PPFIA2: variants seen among roughly 807,000 people sequenced by gnomAD.
The protein encoded by PPFIA2 is PPFI scaffold protein A2, also known as liprin-alpha-2.
In PPFIA2, 46 loss-of-function variants were observed where a neutral mutation model predicts 175.5. The observed-to-expected ratio is 0.26, with a 90% CI of 0.21 to 0.34. The LOEUF (loss-of-function observed/expected upper bound fraction) is 0.34. Ranked by LOEUF, PPFIA2 falls within the 10% of genes least tolerant of loss-of-function variation. The pLI, the probability that PPFIA2 is intolerant of heterozygous loss-of-function variation, is 1.00. For missense variants in PPFIA2, 1,179 were observed against 1,506.1 expected (o/e 0.78, Z 3.60); for synonymous variants, 568 against 511.4 (o/e 1.11, Z -1.49).
chr12:81,278,881 A>G (rs911317686), intron 27 of PPFIA2, among the ~76,000 whole-genome samples: 14 of 152,220 alleles, frequency 9.2e-5, no homozygotes, highest in African/African-American at 3.4e-4. Context: ...GATTACACTT[A>G]CTTGCTAGAT....
intron 4 of PPFIA2, among the ~76,000 whole-genome samples, chr12:81,672,094 A>G (rs143710215): frequency 1.0e-3 from 155 of 152,088 alleles, no homozygotes; most frequent in Middle Eastern, 3.4e-3. Context: ...AGCCTAGCAC[A>G]TAGTGTACAC....
intron 5 of PPFIA2, among the ~76,000 whole-genome samples, chr12:81,451,711 T>A (rs1478806068): frequency 6.6e-6 from 1 of 152,116 alleles, no homozygotes; most frequent in Non-Finnish European, 1.5e-5. Context: ...CCAAGGAAAA[T>A]ATTCTACATA....
At chr12:81,308,993 T>A (rs1001832581) in intron 22 of PPFIA2, among the ~76,000 whole-genome samples, 2 of 152,144 alleles carry the variant, frequency 1.3e-5, no homozygotes, top group Non-Finnish European at 2.9e-5. Flanking sequence ...CATATGTGGC[T>A]TGATAAGAAT....
intron 8 of PPFIA2, among the ~76,000 whole-genome samples, chr12:81,392,503 T>C (rs1487071338): frequency 1.3e-5 from 2 of 151,872 alleles, no homozygotes. Context: ...TAGGGGGTCG[T>C]CAAAGATGAC....
At chr12:81,734,607 T>G (rs919631670) in intron 3 of PPFIA2, among the ~76,000 whole-genome samples, 11 of 151,826 alleles carry the variant, frequency 7.2e-5, no homozygotes, top group African/African-American at 2.7e-4. Context: ...TTTGAGCAAT[T>G]CTCCTTTTCA....
chr12:81,416,155 A>G (rs2045217513), intron 7 of PPFIA2, among the ~76,000 whole-genome samples: 1 of 151,650 alleles, frequency 6.6e-6, no homozygotes, highest in African/African-American at 2.4e-5. Context: ...ATAGTAAGAA[A>G]AATAGCCAAG....
intron 5 of PPFIA2, among the ~76,000 whole-genome samples, chr12:81,457,275 C>T (rs950444913): frequency 3.1e-4 from 47 of 150,584 alleles, no homozygotes; most frequent in Admixed American, 5.9e-4. Context: ...TGAGGCATCG[C>T]GTCCGGCCTT....
At chr12:81,307,714 A>C (rs7955207) in intron 22 of PPFIA2, among the ~76,000 whole-genome samples, 52,823 of 151,976 alleles carry the variant, frequency 0.35, 11,201 homozygotes, top group Non-Finnish European at 0.48. Flanking sequence ...TGTAAGACTC[A>C]CCTGTTTAAA....
At chr12:81,335,876 C>T (rs1313262624) in intron 21 of PPFIA2, among the ~76,000 whole-genome samples, 7 of 152,128 alleles carry the variant, frequency 4.6e-5, no homozygotes, top group Non-Finnish European at 8.8e-5. Flanking sequence ...GGTGGGTTTC[C>T]CTAAATTCAA....
intron 22 of PPFIA2, among the ~76,000 whole-genome samples, chr12:81,317,395 G>C (rs2052637453): frequency 1.3e-5 from 2 of 151,360 alleles, no homozygotes; most frequent in South Asian, 4.1e-4. Flanking sequence ...GATTTAGATA[G>C]GTCTGTTTAG....
intron 4 of PPFIA2, among the ~76,000 whole-genome samples, chr12:81,593,404 T>C (rs2058898950): frequency 6.6e-6 from 1 of 152,228 alleles, no homozygotes; most frequent in South Asian, 2.1e-4. Context: ...TCCCTATTAA[T>C]AAATAGTTAC....
intron 4 of PPFIA2, among the ~76,000 whole-genome samples, chr12:81,479,293 G>T (rs542035725): frequency 6.6e-6 from 1 of 151,846 alleles, no homozygotes; most frequent in Admixed American, 6.6e-5. Flanking sequence ...ATATTCCTCC[G>T]TCCCTTTATT....
At chr12:81,291,976 C>A (rs1565949567) in intron 24 of PPFIA2, among the ~76,000 whole-genome samples, 1 of 152,030 alleles carries the variant, frequency 6.6e-6, no homozygotes. Flanking sequence ...TCTCCCCATT[C>A]TTTAAACAAT....
Position 81,374,642 on chromosome 12 carries a change from G to A in PPFIA2, c.1258C>T (p.Leu420=), listed in dbSNP as rs946527320. 3 of 1,612,192 alleles carry A rather than the reference G, an allele frequency of 1.9e-6. No individual in the cohort carries two copies. Among genetic ancestry groups the A allele is most frequent in the Non-Finnish European group, 1.7e-6 (2 of 1,179,036 alleles). The change falls in exon 11 of 33, where the codon CTA becomes TTA. Residue 420 remains leucine (L), a synonymous_variant. Transcript: ENST00000549396. The stretch of plus-strand genomic sequence containing the variant: ...TTGTTCTAGTGCAGTACCTTGGTTA[G>A]GGCTGCAATTCTCTGAGCCAGTTCA... ...EAELAQRIAA[L]TKAEERHGNI...
intron 22 of PPFIA2, among the ~76,000 whole-genome samples, chr12:81,318,622 A>AATC (rs1436962544): frequency 6.6e-6 from 1 of 151,724 alleles, no homozygotes; most frequent in East Asian, 1.9e-4. Flanking sequence ...TTCTTATTTA[A>AATC]ATCATGTGTG....
Position 81,374,751 on chromosome 12 carries a change from T to C in PPFIA2, c.1149A>G (p.Arg383=). The C allele has an allele frequency of 6.2e-7, 1 of 1,612,602 alleles. No individual in the cohort carries two copies. The highest frequency in any genetic ancestry group is 8.5e-7 in the Non-Finnish European group (1 of 1,179,132). ...CTAGCTCAAGACGTTCTTGTAACTG[T>C]CTGTTTTTCTCTTCCATCTGAAATG... ...AILRQMEEKN[R]QLQERLELAE... is the part of the protein sequence containing the mutation. The change falls in exon 11 of 33, where the codon AGA becomes AGG. Residue 383 remains arginine, a synonymous_variant. Transcript: ENST00000549396.
chr12:81,573,134 T>C (rs1257558090), intron 4 of PPFIA2, among the ~76,000 whole-genome samples: 1 of 151,896 alleles, frequency 6.6e-6, no homozygotes, highest in African/African-American at 2.4e-5. Context: ...CAAATATGAC[T>C]TCAGATTTTC....
At chr12:81,601,139 T>C (rs1397143972) in intron 4 of PPFIA2, among the ~76,000 whole-genome samples, 2 of 151,942 alleles carry the variant, frequency 1.3e-5, no homozygotes, top group African/African-American at 2.4e-5. Flanking sequence ...GAAAATAGTA[T>C]AGATTAATGT....
At chr12:81,568,238 G>A (rs1299676911) in intron 4 of PPFIA2, among the ~76,000 whole-genome samples, 1 of 152,192 alleles carries the variant, frequency 6.6e-6, no homozygotes, top group Non-Finnish European at 1.5e-5. Context: ...TGAGATGACA[G>A]TGCAGGGTAC....
Sources: gnomAD v4.1 joint callset for allele counts (sites outside exome capture counted in the v4.1 genomes callset) on GRCh38, gnomAD v4.1.1 for gene constraint, MANE v1.5 for transcripts, NCBI Gene and HGNC (gene_info 2026-07-23, HGNC 2026-07-21) for gene names.